The following GLI2 variants were observed in gnomAD, a reference collection of about 807,000 sequenced individuals.
GLI2 encodes GLI family zinc finger 2.
A neutral mutation model predicts 78.9 loss-of-function variants in GLI2; 22 were observed. The observed-to-expected ratio is 0.28, with a 90% CI of 0.20 to 0.40. The LOEUF (loss-of-function observed/expected upper bound fraction) is 0.40, where lower values mean the gene tolerates loss of function less well. Among genes scored for constraint, GLI2 ranks in the 10% least tolerant of loss-of-function variants. GLI2 has a pLI of 1.00. For missense variants in GLI2, 2,097 were observed against 2,213.2 expected, an observed-to-expected ratio of 0.95 and a Z score of 1.05; for synonymous variants, 974 against 963.7, an observed-to-expected ratio of 1.01 and a Z score of -0.20.
Position 120,924,299 on chromosome 2 carries a change from G to T in GLI2, c.149-3062G>T, listed in dbSNP as rs139543694. ...TACATAGCAAGGTGGGGACGTGGTG[G>T]GTCGATGGGGGTCTGGGATCACCCT... On this transcript the variant is annotated intron_variant, in intron 2 of 13. Transcript: ENST00000361492. Among the ~76,000 whole-genome samples, 10 of 152,290 alleles carry T rather than the reference G, an allele frequency of 6.6e-5. No individual in the cohort carries two copies. In the East Asian group the frequency reaches 1.9e-3, roughly 29 times the overall value.
chr2:120,788,727 C>G (rs1011206169), intron 1 of GLI2, among the ~76,000 whole-genome samples: 11 of 152,156 alleles, frequency 7.2e-5, no homozygotes, highest in Admixed American at 3.3e-4. Flanking sequence ...AAAACAAATT[C>G]AAGGAGCGAT....
intron 10 of GLI2, 93 bp from the exon 11 acceptor site, chr2:120,982,623 G>A (rs1682765599): frequency 9.4e-7 from 1 of 1,060,720 alleles, no homozygotes; most frequent in Non-Finnish European, 1.4e-6. Context: ...ACGGGTTGGA[G>A]CAGAGCAGAG....
At chr2:120,982,588 A>T in intron 10 of GLI2, 128 bp from the exon 11 acceptor site, 1 of 731,482 alleles carries the variant, frequency 1.4e-6, no homozygotes, top group Non-Finnish European at 2.3e-6. Flanking sequence ...TAATATCCTT[A>T]AAATGCATGC....
At chr2:120,935,930 G>C (rs2104899815) in intron 3 of GLI2, among the ~76,000 whole-genome samples, 1 of 152,330 alleles carries the variant, frequency 6.6e-6, no homozygotes, top group East Asian at 1.9e-4. Context: ...GGGTTTTGGA[G>C]AGAGCCGTGG....
intron 1 of GLI2, among the ~76,000 whole-genome samples, chr2:120,782,304 T>C (rs1683872610): frequency 6.6e-6 from 1 of 152,194 alleles, no homozygotes; most frequent in Admixed American, 6.5e-5. Flanking sequence ...TAGACTTCCT[T>C]CAGGGATAGC....
At chr2:120,946,782 A>G (rs1231729620) in intron 3 of GLI2, among the ~76,000 whole-genome samples, 1 of 152,210 alleles carries the variant, frequency 6.6e-6, no homozygotes, top group Non-Finnish European at 1.5e-5. Flanking sequence ...CAAGTGTCCA[A>G]GAAAGAGGGG....
At chr2:120,925,679 G>A (rs1679627342) in intron 2 of GLI2, among the ~76,000 whole-genome samples, 1 of 152,182 alleles carries the variant, frequency 6.6e-6, no homozygotes, top group Admixed American at 6.5e-5. Flanking sequence ...GGGAGTTAGT[G>A]TTTCGTGGGT....
At chr2:120,843,240 C>G (rs928066629) in intron 2 of GLI2, among the ~76,000 whole-genome samples, 1 of 152,194 alleles carries the variant, frequency 6.6e-6, no homozygotes, top group South Asian at 2.1e-4. Context: ...TCCTCCCAAC[C>G]CTGTTGTTAC....
chr2:120,988,208 G>C lies in GLI2; in HGVS notation c.2243G>C (p.Gly748Ala), dbSNP rs756712721. 29 of 1,586,386 alleles carry C rather than the reference G, an allele frequency of 1.8e-5. No individual in the cohort carries two copies. Among genetic ancestry groups the C allele is most frequent in the Non-Finnish European group, 2.4e-5 (28 of 1,169,872 alleles). Reference sequence around the variant, plus strand: ...TGCTGACCCCTCTGCTCTCCCGCAGGCTCCATCCTGGAAAACTTCAGTGGC... The same window carrying C: ...TGCTGACCCCTCTGCTCTCCCGCAGCCTCCATCCTGGAAAACTTCAGTGGC... ...NTKLPPLPGS[G>A]SILENFSGSG... Residue 748 changes from glycine to alanine, a missense_variant and splice_region_variant, in exon 14 of 14, where the codon GGC (glycine) becomes GCC (alanine). Gly to Ala is a moderately conservative substitution (Grantham distance 60). Transcript: ENST00000361492.
At position 120,800,426 on chromosome 2, in the gene GLI2, TC is replaced by T. The variant is rs1186412482; in HGVS notation, c.148+2963del. Among the ~76,000 whole-genome samples, 1 of 152,054 alleles carries T rather than the reference TC, an allele frequency of 6.6e-6. No individual in the cohort carries two copies. Among genetic ancestry groups the T allele is most frequent in the South Asian group, 2.1e-4 (1 of 4,818 alleles). ...TGTTCCTCCAAATCCCGTGACATTGTCCCCCATGGTTCACACCCTGATTTGC... is the reference window on the plus strand; with the variant it reads ...TGTTCCTCCAAATCCCGTGACATTGTCCCCATGGTTCACACCCTGATTTGC... On this transcript the variant is annotated intron_variant, in intron 2 of 13. Coordinates refer to ENST00000361492, the MANE Select transcript of GLI2 (RefSeq NM_001374353.1). The surrounding 1 kb of genome is among the most constrained non-coding windows in gnomAD (Gnocchi z 4.1).
Position 120,773,619 on chromosome 2 carries a change from C to T in GLI2, c.-30-23672C>T, listed in dbSNP as rs1402819377. On this transcript the variant is annotated intron_variant, in intron 1 of 13. Coordinates refer to ENST00000361492, the MANE Select transcript of GLI2 (RefSeq NM_001374353.1). ...TGCGCGTCTGTTGCGTGCTTGGGTA[C>T]AGTAGCGGCACAGTATCTGCCCTCA... 3.3e-5 allele frequency among the ~76,000 whole-genome samples: 5 copies of T among 152,184 alleles called. No individual in the cohort carries two copies. In the East Asian group the frequency reaches 9.6e-4, roughly 29 times the overall value.
chr2:120,778,191 G>A (rs556563173), intron 1 of GLI2, among the ~76,000 whole-genome samples: 105 of 152,298 alleles, frequency 6.9e-4, no homozygotes, highest in Non-Finnish European at 1.3e-3. Context: ...GGCCAAGAAA[G>A]TGGGGTCTGA....
intron 3 of GLI2, among the ~76,000 whole-genome samples, chr2:120,943,223 GC>G (rs1211957275): frequency 6.6e-6 from 1 of 152,204 alleles, no homozygotes; most frequent in African/African-American, 2.4e-5. Context: ...GGGCTAGGGG[GC>G]ACCTTGGGTG....
At chr2:120,746,198 A>G (rs1228501080) in intron 1 of GLI2, among the ~76,000 whole-genome samples, 5 of 152,132 alleles carry the variant, frequency 3.3e-5, no homozygotes, top group African/African-American at 1.2e-4. Flanking sequence ...CTTACAAAAG[A>G]CTGATAGCTC....
intron 1 of GLI2, among the ~76,000 whole-genome samples, chr2:120,779,910 G>A (rs756257300): frequency 1.3e-5 from 2 of 152,182 alleles, no homozygotes; most frequent in African/African-American, 4.8e-5. Context: ...GAGTGTATAC[G>A]TGTGTGAGTG....
chr2:120,915,492 G>C (rs1325303631), intron 2 of GLI2, among the ~76,000 whole-genome samples: 1 of 152,146 alleles, frequency 6.6e-6, no homozygotes, highest in East Asian at 1.9e-4. Context: ...GCATCAGGAG[G>C]GCCTCTGGAA....
intron 2 of GLI2, among the ~76,000 whole-genome samples, chr2:120,833,454 C>T (rs956328805): frequency 4.6e-5 from 7 of 152,144 alleles, no homozygotes; most frequent in African/African-American, 1.7e-4. Flanking sequence ...CATCTCTGTG[C>T]CCTGGCTGTG....
rs1677251783 is a variant in GLI2, at chr2:120,883,508, A to C, written c.149-43853A>C. ...TCTCAAAACAAACAAATAAACAAAC[A>C]AACCCACGATAACCTTGAAGAAGAC... On this transcript the variant is annotated intron_variant, in intron 2 of 13. Coordinates refer to ENST00000361492, the MANE Select transcript of GLI2 (RefSeq NM_001374353.1). 3.9e-5 allele frequency among the ~76,000 whole-genome samples: 6 copies of C among 152,216 alleles called. No individual in the cohort carries two copies. In the South Asian group the frequency reaches 1.2e-3, roughly 32 times the overall value.
intron 12 of GLI2, 72 bp from the exon 13 acceptor site, chr2:120,986,206 C>A: frequency 7.2e-7 from 1 of 1,396,468 alleles, no homozygotes; most frequent in Non-Finnish European, 1.0e-6. Flanking sequence ...GGTGCCTGTG[C>A]AGGCCTAGAG....
Sources: gnomAD v4.1 joint callset for allele counts (sites outside exome capture counted in the v4.1 genomes callset) on GRCh38, gnomAD v4.1.1 for gene constraint, Gnocchi (gnomAD v3.1) non-coding constraint, MANE v1.5 for transcripts, NCBI Gene and HGNC (gene_info 2026-07-23, HGNC 2026-07-21) for gene names.